The following CNOT8 variants were observed in gnomAD, a reference collection of about 807,000 sequenced individuals.
CNOT8 encodes the protein CCR4-NOT transcription complex subunit 8, also known as CAF1-like protein.
In CNOT8, 18 loss-of-function variants were observed where a neutral mutation model predicts 34.6. The observed-to-expected ratio is 0.52, with a 90% CI of 0.36 to 0.77. The LOEUF is 0.77. Ranked by LOEUF, CNOT8 falls within the 30% of genes least tolerant of loss-of-function variation. The pLI, the probability that CNOT8 is intolerant of heterozygous loss-of-function variation, is 0.00. For missense variants in CNOT8, 189 were observed against 347.9 expected (o/e 0.54, Z 3.63); for synonymous variants, 101 against 118.8 (o/e 0.85, Z 0.98).
chr5:154,870,933 A>T (rs747201629), intron 4 of CNOT8, 111 bp downstream of exon 4: 1 of 913,486 alleles, frequency 1.1e-6, no homozygotes, highest in Non-Finnish European at 1.7e-6. Context: ...CAGCAGCAGC[A>T]GCCAGAAGTT....
intron 2 of CNOT8, 126 bp from the exon 3 acceptor site, chr5:154,865,066 T>G: frequency 1.2e-6 from 1 of 808,402 alleles, no homozygotes; most frequent in Non-Finnish European, 2.0e-6. Context: ...AAAAAGAATT[T>G]TGTGCCCAAG....
At chr5:154,863,956 A>C (rs1231860492) in intron 2 of CNOT8, among the ~76,000 whole-genome samples, 1 of 152,142 alleles carries the variant, frequency 6.6e-6, no homozygotes, top group Non-Finnish European at 1.5e-5. Flanking sequence ...TCTGAAAAAA[A>C]AAAATAGGAA....
chr5:154,862,152 G>A (rs1582573673), intron 1 of CNOT8, among the ~76,000 whole-genome samples: 1 of 152,112 alleles, frequency 6.6e-6, no homozygotes, highest in African/African-American at 2.4e-5. Context: ...TTCTGTTTCT[G>A]GTTGAATGAT....
chr5:154,863,222 GTCTGGCTT>G lies in CNOT8; in HGVS notation c.-56_-49del. ...TACAATCTAGATCAGACCAAACATT[GTCTGGCTT>G]GCACTGTAAAACTAGTTAGCTGAAG... On this transcript the variant is annotated 5_prime_UTR_variant, in exon 2 of 7. Transcript: ENST00000285896. 1 of 1,185,208 alleles carries G rather than the reference GTCTGGCTT, an allele frequency of 8.4e-7. No homozygotes were observed. Among genetic ancestry groups the G allele is most frequent in the Non-Finnish European group, 1.3e-6 (1 of 789,634 alleles). The allele number at this position is 1,185,208 out of a possible 1,614,324, so 73.4% of individuals were successfully genotyped here. A position where few individuals can be genotyped will look rare whatever the true frequency, so the allele number is the denominator to read the frequency against.
Position 154,876,369 on chromosome 5 carries a change from A to G in CNOT8, c.*930A>G, listed in dbSNP as rs965950378. ...TACTTTTCCTTCCAGCAAACCTGAA[A>G]CGTGAGGGAGATGGATTAATGTGAG... On this transcript the variant is annotated 3_prime_UTR_variant, in exon 7 of 7. Transcript: ENST00000285896. 1.3e-5 allele frequency: 2 copies of G among 152,206 alleles called. No homozygotes were observed. The highest frequency in any genetic ancestry group is 2.9e-5 in the Non-Finnish European group (2 of 68,042). 9.4% of individuals were successfully genotyped at this position (152,206 alleles called of 1,614,324 possible). A position where few individuals can be genotyped will look rare whatever the true frequency, so the allele number is the denominator to read the frequency against.
At chr5:154,870,533 T>C in intron 3 of CNOT8, 128 bp from the exon 4 acceptor site, 1 of 634,028 alleles carries the variant, frequency 1.6e-6, no homozygotes, top group East Asian at 2.9e-5. Flanking sequence ...AAAGAGTGAA[T>C]TGATCTATTA....
At chr5:154,874,478 AG>A (rs1238138660) in intron 6 of CNOT8, among the ~76,000 whole-genome samples, 8 of 152,016 alleles carry the variant, frequency 5.3e-5, no homozygotes, top group Admixed American at 2.6e-4. Context: ...CGGGAGGCTG[AG>A]GCAAGGGAAT....
intron 3 of CNOT8, among the ~76,000 whole-genome samples, chr5:154,868,051 C>T (rs1443697807): frequency 6.6e-6 from 1 of 151,766 alleles, no homozygotes; most frequent in Non-Finnish European, 1.5e-5. Context: ...GTTCTCCTGC[C>T]TCAGCCTCCC....
At chr5:154,859,284 A>T (rs1761096500) in intron 1 of CNOT8, 1 of 152,244 alleles carries the variant, frequency 6.6e-6, no homozygotes, top group South Asian at 2.1e-4. Context: ...GAGACGGAGT[A>T]GTGGGGAGGA....
rs546629244 is a variant in CNOT8 at position 154,868,127 on chromosome 5, C to T, written c.312-2534C>T. ...AATTTTTGTATTTTTCTAGTAGAGACGGGGTTTCACCATGTTGGCCAGGCT... is the reference window on the plus strand; with the variant it reads ...AATTTTTGTATTTTTCTAGTAGAGATGGGGTTTCACCATGTTGGCCAGGCT... On this transcript the variant is annotated intron_variant, in intron 3 of 6. Coordinates refer to ENST00000285896, the MANE Select transcript of CNOT8 (RefSeq NM_001301073.2). Among the ~76,000 whole-genome samples the T allele has an allele frequency of 3.6e-4, 55 of 151,886 alleles. 1 individual carries two copies. Among genetic ancestry groups the T allele is most frequent in the Admixed American group, 3.2e-3 (49 of 15,254 alleles).
intron 5 of CNOT8, among the ~76,000 whole-genome samples, 164 bp from the exon 6 acceptor site, chr5:154,872,377 A>G (rs1189023796): frequency 1.3e-5 from 2 of 152,204 alleles, no homozygotes; most frequent in Non-Finnish European, 2.9e-5. Context: ...TAGCGTCTGG[A>G]AAAAGGGAAT....
chr5:154,862,820 C>T (rs1311797354), intron 1 of CNOT8, among the ~76,000 whole-genome samples: 2 of 152,096 alleles, frequency 1.3e-5, no homozygotes, highest in African/African-American at 2.4e-5. Context: ...TAAGATGATT[C>T]CTGTAGGACT....
chr5:154,871,884 G>A lies in CNOT8; in HGVS notation c.618+10G>A, dbSNP rs1762511313. 1.2e-6 allele frequency: 2 copies of A among 1,604,076 alleles called. No homozygotes were observed. Among genetic ancestry groups the A allele is most frequent in the South Asian group, 1.1e-5 (1 of 89,736 alleles). ...CTGCAAAAATCTTAAGGTATATGAT[G>A]TTTTTCTTAATACCAGTAACAAAAA... On this transcript the variant is annotated intron_variant, in intron 5 of 6. Transcript: ENST00000285896.
At chr5:154,874,119 C>T (rs575824358) in intron 6 of CNOT8, among the ~76,000 whole-genome samples, 34 of 152,284 alleles carry the variant, frequency 2.2e-4, no homozygotes, top group Non-Finnish European at 4.7e-4. Context: ...GCTGAATCCA[C>T]AGCCCAAGCC....
intron 1 of CNOT8, among the ~76,000 whole-genome samples, chr5:154,861,274 A>C (rs1761309947): frequency 2.0e-5 from 3 of 152,228 alleles, no homozygotes; most frequent in African/African-American, 7.2e-5. Context: ...TAATAGAACA[A>C]AAACAAGAGA....
chr5:154,867,695 T>G (rs1294078997), intron 3 of CNOT8: 6 of 281,812 alleles, frequency 2.1e-5, no homozygotes, highest in South Asian at 1.7e-4. Flanking sequence ...TCACTAGATA[T>G]AAGAAAGAAA....
intron 6 of CNOT8, among the ~76,000 whole-genome samples, chr5:154,874,961 G>T (rs1412051740): frequency 6.6e-6 from 1 of 151,880 alleles, no homozygotes; most frequent in East Asian, 1.9e-4. Flanking sequence ...ATGTTGCCCA[G>T]GCTGGAGTGC....
At chr5:154,860,093 G>GAAACTTGTTACT (rs1471391273) in intron 1 of CNOT8, among the ~76,000 whole-genome samples, 5 of 152,148 alleles carry the variant, frequency 3.3e-5, no homozygotes, top group African/African-American at 1.2e-4. Flanking sequence ...CTGTTGCTTT[G>GAAACTTGTTACT]GTTGTAACCC....
At position 154,867,808 on chromosome 5, in the gene CNOT8, A is replaced by T. The variant is rs551454303; in HGVS notation, c.311+2423A>T. 4 of 174,374 alleles carry T rather than the reference A, an allele frequency of 2.3e-5. No homozygotes were observed. In the South Asian group the frequency reaches 2.6e-4, roughly 11 times the overall value. 10.8% of individuals were successfully genotyped at this position (174,374 alleles called of 1,614,324 possible). ...GAAATACGAGGTAAAGAGAAAAAAA[A>T]TTTTTAATGTCTTTTTTAAAATATA... is the stretch of plus-strand genomic sequence containing the variant. On this transcript the variant is annotated intron_variant, in intron 3 of 6. Coordinates refer to ENST00000285896, the MANE Select transcript of CNOT8 (RefSeq NM_001301073.2).
Sources: gnomAD v4.1 joint callset for allele counts (sites outside exome capture counted in the v4.1 genomes callset) on GRCh38, gnomAD v4.1.1 for gene constraint, MANE v1.5 for transcripts, NCBI Gene and HGNC (gene_info 2026-07-23, HGNC 2026-07-21) for gene names.